The following GDAP2 variants were observed in gnomAD, a reference collection of about 807,000 sequenced individuals.
GDAP2 encodes ganglioside-induced differentiation-associated protein 2.
A neutral mutation model predicts 67.0 loss-of-function variants in GDAP2; 51 were observed. The observed-to-expected ratio is 0.76, with a 90% confidence interval of 0.61 to 0.96. The LOEUF is 0.96. Among genes scored for constraint, GDAP2 ranks in the 40% least tolerant of loss-of-function variants. GDAP2 has a pLI of 0.00. For synonymous variants in GDAP2, 203 were observed against 207.3 expected (o/e 0.98, Z 0.18); for missense variants, 547 against 588.3 (o/e 0.93, Z 0.73).
chr1:117,876,057 G>A (rs757181472), intron 13 of GDAP2, among the ~76,000 whole-genome samples: 7 of 152,080 alleles, frequency 4.6e-5, no homozygotes, highest in Non-Finnish European at 1.0e-4. Flanking sequence ...TGGGTGGCTA[G>A]GGGCAAAATG....
At chr1:117,899,007 A>C in intron 7 of GDAP2, 50 bp downstream of exon 7, 1 of 1,436,380 alleles carries the variant, frequency 7.0e-7, no homozygotes, top group Non-Finnish European at 9.8e-7. Context: ...ATTGGTGCCT[A>C]TTTTTGGCCC....
rs187369213 is a variant in GDAP2, at chr1:117,910,871, T to C, written c.559+1123A>G. On this transcript the variant is annotated intron_variant, in intron 5 of 13. Transcript: ENST00000369443. ...GCCTTGTACAGTTGGAGTTCTTATCTACAATCCTGATGAGGATCTGTAAAC... is the reference window on the plus strand; with the variant it reads ...GCCTTGTACAGTTGGAGTTCTTATCCACAATCCTGATGAGGATCTGTAAAC... Among the ~76,000 whole-genome samples, 221 of 152,352 alleles carry C rather than the reference T, an allele frequency of 1.5e-3. 1 individual carries two copies. Among genetic ancestry groups the C allele is most frequent in the South Asian group, 1.4e-3 (7 of 4,828 alleles).
At chr1:117,913,235 T>G (rs1379082226) in intron 3 of GDAP2, among the ~76,000 whole-genome samples, 1 of 152,114 alleles carries the variant, frequency 6.6e-6, no homozygotes, top group Non-Finnish European at 1.5e-5. Context: ...TTGTTATTAT[T>G]ACTAGAGAAT....
In GDAP2 at chr1:117,912,518, A is replaced by T; in HGVS notation, c.470+12T>A. On this transcript the variant is annotated intron_variant, in intron 4 of 13. Coordinates refer to ENST00000369443, the MANE Select transcript of GDAP2 (RefSeq NM_017686.4). Reference sequence around the variant, plus strand: ...TATGATATGCTATGTCCAGAAAATGAGTAGACCATACTTTGCTAGTTGAAG... The same window carrying T: ...TATGATATGCTATGTCCAGAAAATGTGTAGACCATACTTTGCTAGTTGAAG... The T allele has an allele frequency of 6.2e-7, 1 of 1,609,280 alleles. No individual in the cohort carries two copies. The highest frequency in any genetic ancestry group is 8.5e-7 in the Non-Finnish European group (1 of 1,176,524).
At chr1:117,900,308 C>T (rs1469810800) in intron 6 of GDAP2, among the ~76,000 whole-genome samples, 2 of 152,132 alleles carry the variant, frequency 1.3e-5, no homozygotes, top group Non-Finnish European at 2.9e-5. Flanking sequence ...ACAGTATTCA[C>T]AAAGGGGGTA....
chr1:117,921,472 C>T (rs1435685311), intron 1 of GDAP2, among the ~76,000 whole-genome samples: 1 of 152,132 alleles, frequency 6.6e-6, no homozygotes, highest in African/African-American at 2.4e-5. Flanking sequence ...GAGAGAGCAA[C>T]CACATGAAGC....
At chr1:117,912,140 CAATAT>C (rs1278517296) in intron 4 of GDAP2, 58 bp from the exon 5 acceptor site, 1 of 962,708 alleles carries the variant, frequency 1.0e-6, no homozygotes, top group African/African-American at 1.6e-5. Context: ...ACATACACAA[CAATAT>C]ATAAGTAATT....
chr1:117,918,513 T>A, intron 3 of GDAP2, 84 bp downstream of exon 3: 1 of 973,718 alleles, frequency 1.0e-6, no homozygotes, highest in South Asian at 1.5e-5. Flanking sequence ...TACAAAATTT[T>A]CCCACAAAAC....
chr1:117,884,533 T>G (rs1057412946), intron 10 of GDAP2, among the ~76,000 whole-genome samples: 2 of 152,168 alleles, frequency 1.3e-5, no homozygotes, highest in African/African-American at 4.8e-5. Context: ...CTAGAGCAGA[T>G]AGAGAAGGGC....
chr1:117,904,344 A>G (rs1173448915), intron 6 of GDAP2, among the ~76,000 whole-genome samples: 1 of 152,198 alleles, frequency 6.6e-6, no homozygotes. Context: ...GAAGAACTTA[A>G]TCACATACTA....
chr1:117,902,690 GT>G (rs1203689631), intron 6 of GDAP2, among the ~76,000 whole-genome samples: 2 of 152,172 alleles, frequency 1.3e-5, no homozygotes, highest in African/African-American at 4.8e-5. Context: ...AAATTGGTAA[GT>G]GTGAATCTTC....
chr1:117,920,323 T>A lies in GDAP2; in HGVS notation c.35A>T (p.Asp12Val). The change falls in exon 2 of 14, where the codon GAT becomes GTT. Residue 12 changes from aspartate (D) to valine (V), a missense_variant. Coordinates refer to ENST00000369443, the MANE Select transcript of GDAP2 (RefSeq NM_017686.4). The stretch of plus-strand genomic sequence containing the variant: ...ACCCCAGCTTGGTAGTGTATCCACA[T>A]CCACAAACTGGGAAGGTGCACCTAA... ...DPLGAPSQFV[D>V]VDTLPSWGDS... 6.2e-7 allele frequency: 1 copy of A among 1,607,530 alleles called. No individual in the cohort carries two copies. The highest frequency in any genetic ancestry group is 8.5e-7 in the Non-Finnish European group (1 of 1,176,946).
At chr1:117,915,577 T>C (rs778640909) in intron 3 of GDAP2, among the ~76,000 whole-genome samples, 2 of 152,218 alleles carry the variant, frequency 1.3e-5, no homozygotes, top group Non-Finnish European at 2.9e-5. Flanking sequence ...TTGCAGAATA[T>C]GTACATGATT....
intron 11 of GDAP2, 191 bp downstream of exon 11, chr1:117,883,297 G>A (rs1410209330): frequency 2.0e-6 from 1 of 491,608 alleles, no homozygotes; most frequent in African/African-American, 1.9e-5. Context: ...GTTTACATAT[G>A]AATTTACTTT....
intron 6 of GDAP2, among the ~76,000 whole-genome samples, chr1:117,903,498 T>C (rs563354545): frequency 8.6e-4 from 130 of 151,992 alleles, no homozygotes; most frequent in African/African-American, 3.0e-3. Flanking sequence ...TTACATTTTT[T>C]CAATGTTCTT....
At chr1:117,901,389 A>C (rs1649464404) in intron 6 of GDAP2, among the ~76,000 whole-genome samples, 1 of 152,212 alleles carries the variant, frequency 6.6e-6, no homozygotes, top group Non-Finnish European at 1.5e-5. Flanking sequence ...CCTAACAGTC[A>C]AACTGCTGCA....
intron 5 of GDAP2, among the ~76,000 whole-genome samples, chr1:117,908,876 T>A (rs779407396): frequency 1.3e-5 from 2 of 152,012 alleles, no homozygotes; most frequent in African/African-American, 2.4e-5. Flanking sequence ...CTGTTTCCTA[T>A]TTATTTGACA....
At chr1:117,890,554 A>C (rs1649038299) in intron 8 of GDAP2, among the ~76,000 whole-genome samples, 1 of 152,106 alleles carries the variant, frequency 6.6e-6, no homozygotes, top group Non-Finnish European at 1.5e-5. Flanking sequence ...CACTTAGAAG[A>C]CTAGTTATAT....
At chr1:117,913,441 G>C in intron 3 of GDAP2, 1 of 151,712 alleles carries the variant, frequency 6.6e-6, no homozygotes, top group Non-Finnish European at 1.5e-5. Flanking sequence ...CAGGGAAGAA[G>C]TTTATTCTCT....
Sources: gnomAD v4.1 joint callset for allele counts (sites outside exome capture counted in the v4.1 genomes callset) on GRCh38, gnomAD v4.1.1 for gene constraint, MANE v1.5 for transcripts, NCBI Gene and HGNC (gene_info 2026-07-23, HGNC 2026-07-21) for gene names.